The following CENPE variants were observed in gnomAD, a reference collection of about 807,000 sequenced individuals.
CENPE encodes centromere protein E, also known as centromere-associated protein E.
A neutral mutation model predicts 336.1 loss-of-function variants in CENPE; 145 were observed. The ratio of observed to expected loss-of-function variants is 0.43; its 90% CI spans 0.38 to 0.50. The LOEUF is 0.50. Ranked by LOEUF, CENPE falls within the 20% of genes least tolerant of loss-of-function variation. The probability of loss-of-function intolerance (pLI) is 0.00; values close to 1 mark genes in which losing one functional copy is unlikely to be tolerated. For missense variants in CENPE, 2,719 were observed against 3,023.3 expected (o/e 0.90, Z 2.36); for synonymous variants, 1,013 against 984.8 (o/e 1.03, Z -0.54).
rs1753306615 is a variant in CENPE, at chr4:103,148,983, T to C, written c.3704A>G (p.Glu1235Gly). The part of the protein sequence containing the change: ...EIEATGLQTK[E>G]ELKIAHIHLK... ...GTGAATATGAGCAATTTTTAGTTCT[T>C]CTTTGGTTTGTAGGCCCTTGGCGAG... The change falls in exon 28 of 49, where the codon GAA (glutamate) becomes GGA (glycine). Residue 1235 changes from glutamate to glycine, a missense_variant. Around this residue, in one of 5 missense-constraint regions of CENPE, gnomAD observed 2,437 missense variants for 2,513.3 expected, o/e 0.97. Coordinates refer to ENST00000265148, the MANE Select transcript of CENPE (RefSeq NM_001813.3). 3 of 1,613,414 alleles carry C rather than the reference T, an allele frequency of 1.9e-6. No homozygotes were observed. Among genetic ancestry groups the C allele is most frequent in the Non-Finnish European group, 2.5e-6 (3 of 1,179,844 alleles).
chr4:103,145,766 G>C, intron 30 of CENPE, 63 bp downstream of exon 30: 1 of 1,518,742 alleles, frequency 6.6e-7, no homozygotes, highest in East Asian at 2.3e-5. Flanking sequence ...CAAATATTTA[G>C]GGTTTATAAT....
rs1393578536 is a variant in CENPE, at chr4:103,106,033, T to C, written c.*189A>G. 1.0e-5 allele frequency: 4 copies of C among 387,120 alleles called. No homozygotes were observed. The highest frequency in any genetic ancestry group is 4.6e-6 in the Non-Finnish European group (1 of 217,514). 24.0% of individuals were successfully genotyped at this position (387,120 alleles called of 1,614,324 possible). A position where few individuals can be genotyped will look rare whatever the true frequency, so the allele number is the denominator to read the frequency against. On this transcript the variant is annotated 3_prime_UTR_variant, in exon 49 of 49. Transcript: ENST00000265148. ...TATTACCATATGCAAGAAGAAGGTA[T>C]TGCTATCACCATTCTAAATTACCAC...
At position 103,139,523 on chromosome 4, in the gene CENPE, TA is replaced by T. The variant is rs1002073571; in HGVS notation, c.6204+265del. Among the ~76,000 whole-genome samples the T allele has an allele frequency of 4.6e-5, 7 of 152,012 alleles. No homozygotes were observed. The East Asian group carries it at 1.3e-3, about 29-fold the overall frequency. On this transcript the variant is annotated intron_variant, in intron 38 of 48. Coordinates refer to ENST00000265148, the MANE Select transcript of CENPE (RefSeq NM_001813.3). ...ATTTAGAATAATGCTATCTCTTGAT[TA>T]AAAAAAACTTTAAAATGTTATATTA...
rs758849613 is a variant in CENPE, at chr4:103,196,072, A to G, written c.239-34T>C. The stretch of plus-strand genomic sequence containing the variant: ...AACAAAACACACATACGCAAAGATT[A>G]AAAACAAACCTATAATGGGTAAAAC... On this transcript the variant is annotated intron_variant, in intron 3 of 48. Transcript: ENST00000265148. 2.5e-6 allele frequency: 4 copies of G among 1,592,546 alleles called. No homozygotes were observed. In the South Asian group the frequency reaches 4.4e-5, roughly 18 times the overall value.
chr4:103,177,377 C>T (rs541538815), intron 13 of CENPE, among the ~76,000 whole-genome samples: 1 of 152,118 alleles, frequency 6.6e-6, no homozygotes, highest in African/African-American at 2.4e-5. Flanking sequence ...GTTTCTCTTC[C>T]TGTGCCTGCC....
intron 42 of CENPE, among the ~76,000 whole-genome samples, chr4:103,130,444 A>G (rs1751486775): frequency 1.3e-5 from 2 of 152,220 alleles, no homozygotes; most frequent in African/African-American, 4.8e-5. Flanking sequence ...AATAAAATAC[A>G]TAGGCAAATC....
At chr4:103,175,149 C>T (rs1380483159) in intron 15 of CENPE, among the ~76,000 whole-genome samples, 4 of 151,932 alleles carry the variant, frequency 2.6e-5, no homozygotes, top group Non-Finnish European at 5.9e-5. Context: ...TCCTCAAGCT[C>T]CTCAGTAATA....
chr4:103,154,586 A>G (rs561623953), intron 24 of CENPE, among the ~76,000 whole-genome samples: 2 of 152,306 alleles, frequency 1.3e-5, no homozygotes, highest in South Asian at 4.1e-4. Flanking sequence ...CTAGTCTGTT[A>G]GATATTATAA....
At chr4:103,147,973 T>C (rs1753197858) in intron 28 of CENPE, among the ~76,000 whole-genome samples, 1 of 152,024 alleles carries the variant, frequency 6.6e-6, no homozygotes, top group African/African-American at 2.4e-5. Flanking sequence ...GGATTACAGG[T>C]GTGAGCCACC....
At chr4:103,170,620 G>A (rs1397645111) in intron 16 of CENPE, among the ~76,000 whole-genome samples, 1 of 152,126 alleles carries the variant, frequency 6.6e-6, no homozygotes, top group Non-Finnish European at 1.5e-5. Flanking sequence ...AAGACAGTGA[G>A]ATAAGATAAA....
intron 13 of CENPE, among the ~76,000 whole-genome samples, chr4:103,178,754 A>G (rs569807144): frequency 6.6e-6 from 1 of 152,176 alleles, no homozygotes; most frequent in Non-Finnish European, 1.5e-5. Context: ...CTTAGCTACC[A>G]TATTCACTAG....
intron 16 of CENPE, among the ~76,000 whole-genome samples, chr4:103,173,356 T>G (rs996007319): frequency 6.6e-6 from 1 of 151,970 alleles, no homozygotes; most frequent in African/African-American, 2.4e-5. Context: ...CAAGAATCAA[T>G]TCAGAATGAG....
Position 103,145,395 on chromosome 4 carries a change from A to C in CENPE, c.4573-61T>G. The C allele has an allele frequency of 3.7e-6, 5 of 1,342,846 alleles. No homozygotes were observed. The South Asian group carries it at 6.8e-5, about 18-fold the overall frequency. 83.2% of individuals were successfully genotyped at this position (1,342,846 alleles called of 1,614,324 possible). A position where few individuals can be genotyped will look rare whatever the true frequency, so the allele number is the denominator to read the frequency against. On this transcript the variant is annotated intron_variant, in intron 31 of 48. Coordinates refer to ENST00000265148, the MANE Select transcript of CENPE (RefSeq NM_001813.3). ...AAAATATGTAAACACACACACACACATACACAACTTAAGAGGAAAAGGTTG... is the reference window on the plus strand; with the variant it reads ...AAAATATGTAAACACACACACACACCTACACAACTTAAGAGGAAAAGGTTG...
chr4:103,126,468 T>C (rs1751112932), intron 42 of CENPE, among the ~76,000 whole-genome samples: 1 of 152,096 alleles, frequency 6.6e-6, no homozygotes, highest in African/African-American at 2.4e-5. Flanking sequence ...TGCCACTACA[T>C]TACTAAAGGC....
In CENPE at chr4:103,158,894, A is replaced by G; in HGVS notation, c.2602-8T>C. ...TTGGGTCTTGTAAGAAAGCTTTAAA[A>G]AAGAAAAAGTAAATGTCACACAGTA... On this transcript the variant is annotated splice_region_variant and splice_polypyrimidine_tract_variant and intron_variant, in intron 22 of 48. Transcript: ENST00000265148. 1 of 1,590,742 alleles carries G rather than the reference A, an allele frequency of 6.3e-7. No individual in the cohort carries two copies. Among genetic ancestry groups the G allele is most frequent in the Middle Eastern group, 1.7e-4 (1 of 5,902 alleles).
rs910440931 is a variant in CENPE, at chr4:103,123,205, A to G, written c.6925-116T>C. On this transcript the variant is annotated intron_variant, in intron 42 of 48. Coordinates refer to ENST00000265148, the MANE Select transcript of CENPE (RefSeq NM_001813.3). ...CCTCAGTCAAAAGTGGTCTGAAAATATTAAATGGGAAATTCCAGAAATAAA... is the reference window on the plus strand; with the variant it reads ...CCTCAGTCAAAAGTGGTCTGAAAATGTTAAATGGGAAATTCCAGAAATAAA... 44 of 718,802 alleles carry G rather than the reference A, an allele frequency of 6.1e-5. No homozygotes were observed. In the African/African-American group the frequency reaches 7.7e-4, roughly 13 times the overall value. The allele number at this position is 718,802 out of a possible 1,614,324, so 44.5% of individuals were successfully genotyped here.
At position 103,138,338 on chromosome 4, in the gene CENPE, AG is replaced by A. The variant is rs773892220; in HGVS notation, c.6303+12del. 3.1e-5 allele frequency: 48 copies of A among 1,547,904 alleles called. No homozygotes were observed. In the Admixed American group the frequency reaches 7.7e-4, roughly 25 times the overall value. ...ACCAATAATCATTTGTAGTTTTAAC[AG>A]GGGGTACTTACTTTTATTCTAGAGC... is the stretch of plus-strand genomic sequence containing the variant. On this transcript the variant is annotated intron_variant, in intron 39 of 48. Transcript: ENST00000265148.
Position 103,133,790 on chromosome 4 carries a change from G to T in CENPE, c.6625C>A (p.Leu2209Ile). Residue 2209 changes from leucine (L) to isoleucine (I), a missense_variant, in exon 41 of 49, where the codon CTA (leucine) becomes ATA (isoleucine). Around this residue, in one of 5 missense-constraint regions of CENPE, gnomAD observed 2,437 missense variants for 2,513.3 expected, o/e 0.97. Transcript: ENST00000265148. Reference protein sequence around the residue: ...IDEVEKQKELLIKIQHLQQDC... With the variant: ...IDEVEKQKELIIKIQHLQQDC... ...TGTTGAAGGTGCTGTATTTTAATTA[G>T]CAATTCCTTTTGCTTTTCCACTTCA... The T allele has an allele frequency of 1.2e-6, 2 of 1,609,134 alleles. No individual in the cohort carries two copies. The highest frequency in any genetic ancestry group is 1.7e-6 in the Non-Finnish European group (2 of 1,176,222).
At chr4:103,112,183 T>C (rs898482312) in intron 46 of CENPE, among the ~76,000 whole-genome samples, 1 of 150,004 alleles carries the variant, frequency 6.7e-6, no homozygotes, top group Non-Finnish European at 1.5e-5. Context: ...TACACTTATA[T>C]GTATCCTGTA....
Sources: allele counts gnomAD v4.1 joint callset (sites outside exome capture counted in the v4.1 genomes callset), GRCh38; gene constraint gnomAD v4.1.1; regional missense constraint gnomAD v4.1.1; transcripts MANE v1.5; gene names NCBI Gene and HGNC (gene_info 2026-07-23, HGNC 2026-07-21).